CSGALNACT1: variants seen among roughly 807,000 people sequenced by gnomAD.
CSGALNACT1 encodes the protein beta4GalNAcT-1.
CSGALNACT1 carries 52 observed loss-of-function variants against 51.0 expected under a neutral mutation model. The ratio of observed to expected loss-of-function variants is 1.02; its 90% CI spans 0.82 to 1.29. CSGALNACT1 has a LOEUF of 1.29. CSGALNACT1 is among the 50% of genes most tolerant of loss of function. The pLI is 0.00. For synonymous variants in CSGALNACT1, 341 were observed against 254.4 expected (o/e 1.34, Z -3.24); for missense variants, 935 against 679.2 (o/e 1.38, Z -4.19).
At chr8:19,434,880 G>C (rs1436501377) in intron 6 of CSGALNACT1, among the ~76,000 whole-genome samples, 1 of 151,428 alleles carries the variant, frequency 6.6e-6, no homozygotes, top group African/African-American at 2.4e-5. Flanking sequence ...TCAAATTTCT[G>C]AAAATGGACA....
At chr8:19,514,895 A>G (rs1386268882) in intron 3 of CSGALNACT1, among the ~76,000 whole-genome samples, 1 of 152,190 alleles carries the variant, frequency 6.6e-6, no homozygotes, top group East Asian at 1.9e-4. Flanking sequence ...TGTATTTACA[A>G]TATATCTAAA....
chr8:19,445,855 G>A (rs796373159), intron 5 of CSGALNACT1, among the ~76,000 whole-genome samples: 4 of 152,304 alleles, frequency 2.6e-5, no homozygotes, highest in African/African-American at 9.6e-5. Flanking sequence ...GTGTCCATAT[G>A]TTTTTGGTTT....
At chr8:19,715,929 C>G (rs1459703063) in intron 1 of CSGALNACT1, among the ~76,000 whole-genome samples, 1 of 152,196 alleles carries the variant, frequency 6.6e-6, no homozygotes, top group Non-Finnish European at 1.5e-5. Context: ...TCTCAGACTT[C>G]AGTCTTTCCT....
rs57549612 is a variant in CSGALNACT1 at position 19,649,819 on chromosome 8, CAAAAAAAAAAAA to C, written c.-544+32642_-544+32653del. ...AAGAAATTAAATGCATTCCAAGTAG[CAAAAAAAAAAAA>C]AAAAAAAAAAAAAACCACGGGGGGA... On this transcript the variant is annotated intron_variant, in intron 1 of 9. Transcript: ENST00000332246. Among the ~76,000 whole-genome samples, 46 of 29,414 alleles carry C rather than the reference CAAAAAAAAAAAA, an allele frequency of 1.6e-3. No homozygotes were observed. In the South Asian group the frequency reaches 0.085, roughly 55 times the overall value. 19.3% of individuals were successfully genotyped at this position (29,414 alleles called of 152,430 possible). A position where few individuals can be genotyped will look rare whatever the true frequency, so the allele number is the denominator to read the frequency against.
chr8:19,501,133 C>A (rs942560357), intron 4 of CSGALNACT1, among the ~76,000 whole-genome samples: 1 of 151,204 alleles, frequency 6.6e-6, no homozygotes, highest in Non-Finnish European at 1.5e-5. Flanking sequence ...GCCTGTAGTC[C>A]CACCTGCTAA....
At chr8:19,634,144 T>C (rs888969636) in intron 1 of CSGALNACT1, among the ~76,000 whole-genome samples, 1 of 152,252 alleles carries the variant, frequency 6.6e-6, no homozygotes, top group African/African-American at 2.4e-5. Flanking sequence ...TAGGACACTT[T>C]ACGTCATATT....
intron 1 of CSGALNACT1, among the ~76,000 whole-genome samples, chr8:19,740,262 G>T (rs988674393): frequency 6.6e-6 from 1 of 152,156 alleles, no homozygotes; most frequent in African/African-American, 2.4e-5. Flanking sequence ...TATCCCAGCT[G>T]CTCCCCTTCA....
chr8:19,489,181 G>A (rs1396024811), intron 4 of CSGALNACT1, among the ~76,000 whole-genome samples: 1 of 148,158 alleles, frequency 6.7e-6, no homozygotes, highest in East Asian at 1.9e-4. Flanking sequence ...AATCCAGTGA[G>A]AAAATCAGTA....
chr8:19,676,663 A>G (rs2154201032), intron 1 of CSGALNACT1, among the ~76,000 whole-genome samples: 1 of 152,102 alleles, frequency 6.6e-6, no homozygotes, highest in African/African-American at 2.4e-5. Context: ...ATTTGCAGAA[A>G]CAGTCATGGA....
intron 1 of CSGALNACT1, among the ~76,000 whole-genome samples, chr8:19,648,880 C>T (rs191478274): frequency 1.3e-3 from 198 of 152,208 alleles, no homozygotes; most frequent in African/African-American, 3.9e-3. Context: ...ATCCATGAAA[C>T]GGAATACAGT....
chr8:19,539,250 A>C (rs2154067820), intron 3 of CSGALNACT1, among the ~76,000 whole-genome samples: 1 of 152,280 alleles, frequency 6.6e-6, no homozygotes, highest in South Asian at 2.1e-4. Flanking sequence ...CAATATCATC[A>C]ACTGTAGTCC....
intron 4 of CSGALNACT1, among the ~76,000 whole-genome samples, chr8:19,458,852 G>T (rs1007859759): frequency 2.6e-5 from 4 of 152,142 alleles, no homozygotes; most frequent in African/African-American, 9.7e-5. Context: ...TATGAAGACT[G>T]CATAAAAACA....
intron 3 of CSGALNACT1, among the ~76,000 whole-genome samples, chr8:19,521,816 G>T (rs2080785844): frequency 1.3e-5 from 2 of 152,204 alleles, no homozygotes; most frequent in South Asian, 4.1e-4. Flanking sequence ...CTGCCTGCAG[G>T]AATGGAAGAT....
At chr8:19,743,361 G>C (rs1011244392) in intron 1 of CSGALNACT1, among the ~76,000 whole-genome samples, 1 of 152,134 alleles carries the variant, frequency 6.6e-6, no homozygotes, top group East Asian at 1.9e-4. Flanking sequence ...GTATGCCTGA[G>C]TGTGTGTGCA....
At chr8:19,589,692 G>A (rs1265709519) in intron 3 of CSGALNACT1, among the ~76,000 whole-genome samples, 1 of 152,104 alleles carries the variant, frequency 6.6e-6, no homozygotes, top group African/African-American at 2.4e-5. Context: ...TTATCAACTA[G>A]ATCTCATTTC....
Position 19,549,651 on chromosome 8 carries a change from T to C in CSGALNACT1, c.-297+41509A>G, listed in dbSNP as rs1052949310. Among the ~76,000 whole-genome samples, 224 of 137,792 alleles carry C rather than the reference T, an allele frequency of 1.6e-3. 2 individuals carry two copies. Among genetic ancestry groups the C allele is most frequent in the Non-Finnish European group, 2.4e-3 (155 of 65,320 alleles). The allele number at this position is 137,792 out of a possible 152,430, so 90.4% of individuals were successfully genotyped here. ...GAAACTTTCTTCACTTTCCCCAATT[T>C]CCTACTTTTTTTTTTTTTTTTTTTT... On this transcript the variant is annotated intron_variant, in intron 3 of 9. Coordinates refer to ENST00000454498, the Ensembl canonical transcript of CSGALNACT1.
At chr8:19,614,703 G>C (rs958438104) in intron 1 of CSGALNACT1, among the ~76,000 whole-genome samples, 1 of 152,210 alleles carries the variant, frequency 6.6e-6, no homozygotes, top group South Asian at 2.1e-4. Context: ...TCTGATCAGA[G>C]AAGGTTGAAA....
intron 8 of CSGALNACT1, among the ~76,000 whole-genome samples, chr8:19,416,299 G>C (rs191513636): frequency 6.6e-6 from 1 of 152,074 alleles, no homozygotes; most frequent in East Asian, 1.9e-4. Flanking sequence ...ATTTTTAGTA[G>C]AGATGGGGTT....
At chr8:19,657,906 T>A (rs1007796410) in intron 1 of CSGALNACT1, among the ~76,000 whole-genome samples, 2 of 152,088 alleles carry the variant, frequency 1.3e-5, no homozygotes, top group Non-Finnish European at 2.9e-5. Flanking sequence ...CATTGTTAGA[T>A]GGCCTGGGGG....
Sources: gnomAD v4.1 joint callset for allele counts (sites outside exome capture counted in the v4.1 genomes callset) on GRCh38, gnomAD v4.1.1 for gene constraint, MANE v1.5 for transcripts, NCBI Gene and HGNC (gene_info 2026-07-23, HGNC 2026-07-21) for gene names.